Variants in ZNF609 observed in about 807,000 individuals in gnomAD.
The protein encoded by ZNF609 is zinc finger protein 609.
ZNF609 carries 11 observed loss-of-function variants against 109.5 expected under a neutral mutation model. That is an observed-to-expected ratio of 0.10 (90% confidence interval 0.06 to 0.17). The LOEUF is 0.17. Ranked by LOEUF, ZNF609 falls within the 10% of genes least tolerant of loss-of-function variation. ZNF609 has a pLI of 1.00. For synonymous variants in ZNF609, 646 were observed against 662.0 expected (o/e 0.98, Z 0.37); for missense variants, 1,559 against 1,772.4 (o/e 0.88, Z 2.16).
intron 2 of ZNF609, among the ~76,000 whole-genome samples, chr15:64,554,518 T>TA (rs942863015): frequency 4.6e-5 from 7 of 151,924 alleles, no homozygotes; most frequent in African/African-American, 1.7e-4. Context: ...GCCGGGCAGT[T>TA]AGACTACAGG....
intron 2 of ZNF609, among the ~76,000 whole-genome samples, chr15:64,520,270 G>C (rs1893872572): frequency 6.6e-6 from 1 of 152,086 alleles, no homozygotes; most frequent in Non-Finnish European, 1.5e-5. Context: ...GTTTATTGTA[G>C]GATGTTTCAC....
chr15:64,476,068 A>G (rs1893165828), intron 1 of ZNF609, among the ~76,000 whole-genome samples: 1 of 152,148 alleles, frequency 6.6e-6, no homozygotes, highest in South Asian at 2.1e-4. Context: ...GCTGATAGAA[A>G]ACTTGCAGCA....
chr15:64,683,954 G>A lies in ZNF609; in HGVS notation c.*2268G>A. 6.6e-6 allele frequency: 1 copy of A among 152,252 alleles called. No individual in the cohort carries two copies. Among genetic ancestry groups the A allele is most frequent in the East Asian group, 1.9e-4 (1 of 5,202 alleles). The allele number at this position is 152,252 out of a possible 1,614,324, so 9.4% of individuals were successfully genotyped here. ...TAGCTGGGCAGCCTTGGGTTCTCCA[G>A]AAGAGAACAGGTTTTTCTTTTCCTT... On this transcript the variant is annotated 3_prime_UTR_variant, in exon 10 of 10. Transcript: ENST00000326648.
intron 3 of ZNF609, among the ~76,000 whole-genome samples, chr15:64,651,126 C>T (rs1406769078): frequency 6.6e-6 from 1 of 152,072 alleles, no homozygotes; most frequent in African/African-American, 2.4e-5. Flanking sequence ...CATATATACA[C>T]ATGAACATCT....
intron 3 of ZNF609, among the ~76,000 whole-genome samples, chr15:64,638,696 G>C (rs765742332): frequency 1.3e-5 from 2 of 151,634 alleles, no homozygotes; most frequent in Admixed American, 1.3e-4. Flanking sequence ...GGGAATTCAA[G>C]ACCAGCCCGG....
At chr15:64,586,452 G>T (rs1895198386) in intron 2 of ZNF609, among the ~76,000 whole-genome samples, 1 of 152,180 alleles carries the variant, frequency 6.6e-6, no homozygotes, top group Admixed American at 6.5e-5. Context: ...CACAGCAGGA[G>T]GTGAGCAGTG....
chr15:64,467,392 C>T (rs899438917), intron 1 of ZNF609, among the ~76,000 whole-genome samples: 3 of 152,202 alleles, frequency 2.0e-5, no homozygotes, highest in African/African-American at 7.2e-5. Context: ...GTGGGCATCA[C>T]CTTTGTGGAT....
chr15:64,544,484 G>T (rs1437587974), intron 2 of ZNF609, among the ~76,000 whole-genome samples: 1 of 152,242 alleles, frequency 6.6e-6, no homozygotes, highest in East Asian at 1.9e-4. Context: ...TTGCTAAGCA[G>T]ATTTATGCAG....
chr15:64,566,009 C>T (rs372221745), intron 2 of ZNF609, among the ~76,000 whole-genome samples: 3 of 151,870 alleles, frequency 2.0e-5, no homozygotes, highest in Non-Finnish European at 2.9e-5. Context: ...CCACCATGCC[C>T]GGCTAATTTT....
rs538185676 is a variant in ZNF609, at chr15:64,565,223, C to G, written c.748-57604C>G. Among the ~76,000 whole-genome samples, 4 of 17,080 alleles carry G rather than the reference C, an allele frequency of 2.3e-4. No individual in the cohort carries two copies. The East Asian group carries it at 8.5e-3, about 36-fold the overall frequency. The allele number at this position is 17,080 out of a possible 152,430, so 11.2% of individuals were successfully genotyped here. On this transcript the variant is annotated intron_variant, in intron 2 of 9. Coordinates refer to ENST00000326648, the MANE Select transcript of ZNF609 (RefSeq NM_015042.2). ...TACAGGCAGGTGCCACCATGCCTGG[C>G]TAATTTTTGTATTATTATTATTATT...
chr15:64,520,405 G>C (rs1246685561), intron 2 of ZNF609, among the ~76,000 whole-genome samples: 2 of 152,114 alleles, frequency 1.3e-5, no homozygotes, highest in Admixed American at 6.6e-5. Context: ...TATTGTTGTG[G>C]ATGCTATTTA....
intron 2 of ZNF609, among the ~76,000 whole-genome samples, chr15:64,503,420 T>C (rs1893589864): frequency 6.6e-6 from 1 of 152,094 alleles, no homozygotes; most frequent in Non-Finnish European, 1.5e-5. Context: ...GATTGATGGA[T>C]TGTTAAGTTA....
chr15:64,615,474 T>G (rs1194370484), intron 2 of ZNF609, among the ~76,000 whole-genome samples: 1 of 151,760 alleles, frequency 6.6e-6, no homozygotes, highest in Non-Finnish European at 1.5e-5. Context: ...ATGTTTAGTG[T>G]ATTTGATGAC....
At chr15:64,465,439 T>G (rs1363929137) in intron 1 of ZNF609, among the ~76,000 whole-genome samples, 1 of 152,164 alleles carries the variant, frequency 6.6e-6, no homozygotes, top group Non-Finnish European at 1.5e-5. Context: ...TGGAGTGTAA[T>G]GGTGCGATCT....
chr15:64,570,298 T>A (rs182706837), intron 2 of ZNF609, among the ~76,000 whole-genome samples: 1 of 152,378 alleles, frequency 6.6e-6, no homozygotes, highest in Non-Finnish European at 1.5e-5. Flanking sequence ...CAGTTATAAC[T>A]ATACTACCTC....
chr15:64,489,939 A>G (rs988355795), intron 1 of ZNF609, among the ~76,000 whole-genome samples: 3 of 151,834 alleles, frequency 2.0e-5, no homozygotes, highest in African/African-American at 7.3e-5. Flanking sequence ...GGGAAGAGGC[A>G]TGGCAGAGCT....
chr15:64,619,806 G>A (rs761626827), intron 2 of ZNF609, among the ~76,000 whole-genome samples: 5 of 152,120 alleles, frequency 3.3e-5, no homozygotes, highest in Admixed American at 6.6e-5. Flanking sequence ...GTATAGCAGG[G>A]TATAATTTGG....
At position 64,675,428 on chromosome 15, in the gene ZNF609, G is replaced by C; in HGVS notation, c.2574G>C (p.Lys858Asn). ...ATGCTGGGGAGGATGGGGAGGGCAAGGTAGACAGTGTCAAATCAAAGGACG... is the reference window on the plus strand; with the variant it reads ...ATGCTGGGGAGGATGGGGAGGGCAACGTAGACAGTGTCAAATCAAAGGACG... The part of the protein sequence containing the change: ...ISDAGEDGEG[K>N]VDSVKSKDAE... Residue 858 changes from lysine (K) to asparagine (N), a missense_variant, in exon 5 of 10, where the codon AAG becomes AAC. Transcript: ENST00000326648. The C allele has an allele frequency of 1.2e-6, 2 of 1,614,142 alleles. No homozygotes were observed. Among genetic ancestry groups the C allele is most frequent in the Non-Finnish European group, 1.7e-6 (2 of 1,180,004 alleles).
chr15:64,499,906 A>T lies in ZNF609; in HGVS notation c.487A>T (p.Ser163Cys). The T allele has an allele frequency of 6.2e-7, 1 of 1,614,128 alleles. No homozygotes were observed. The highest frequency in any genetic ancestry group is 8.5e-7 in the Non-Finnish European group (1 of 1,180,030). Residue 163 changes from serine to cysteine, a missense_variant, in exon 2 of 10, where the codon AGC becomes TGC. Ser to Cys is a moderately radical substitution (Grantham distance 112). Transcript: ENST00000326648. The part of the protein sequence containing the change: ...VAGSKKEKEN[S>C]SSKSKKERSE... Reference sequence around the variant, plus strand: ...CGGTTCCAAAAAGGAGAAGGAGAACAGCTCATCTAAGAGCAAGAAGGAGAG... The same window carrying T: ...CGGTTCCAAAAAGGAGAAGGAGAACTGCTCATCTAAGAGCAAGAAGGAGAG...
Sources: allele counts gnomAD v4.1 joint callset (sites outside exome capture counted in the v4.1 genomes callset), GRCh38; gene constraint gnomAD v4.1.1; transcripts MANE v1.5; gene names NCBI Gene and HGNC (gene_info 2026-07-23, HGNC 2026-07-21).